The following CUX2 variants were observed in gnomAD, a reference collection of about 807,000 sequenced individuals.
The protein encoded by CUX2 is cut like homeobox 2.
CUX2 carries 40 observed loss-of-function variants against 144.8 expected under a neutral mutation model. The observed-to-expected ratio is 0.28, with a 90% CI of 0.21 to 0.36. The LOEUF (loss-of-function observed/expected upper bound fraction) is 0.36, where lower values mean the gene tolerates loss of function less well. CUX2 is among the 10% of genes least tolerant of loss of function. CUX2 has a pLI of 1.00. For synonymous variants in CUX2, 827 were observed against 875.6 expected (o/e 0.94, Z 0.98); for missense variants, 1,615 against 1,994.0 (o/e 0.81, Z 3.62).
At chr12:111,164,958 G>A (rs1017556510) in intron 1 of CUX2, among the ~76,000 whole-genome samples, 3 of 152,174 alleles carry the variant, frequency 2.0e-5, no homozygotes, top group African/African-American at 4.8e-5. Flanking sequence ...GCCATGGGGG[G>A]GAGAGGAGGA....
intron 1 of CUX2, among the ~76,000 whole-genome samples, chr12:111,090,193 C>T (rs577434171): frequency 3.3e-5 from 5 of 152,306 alleles, no homozygotes; most frequent in South Asian, 2.1e-4. Context: ...CAGAGCTCTC[C>T]GTGGGGCCAG....
intron 1 of CUX2, among the ~76,000 whole-genome samples, chr12:111,210,910 G>A (rs980111588): frequency 8.5e-5 from 13 of 152,204 alleles, no homozygotes; most frequent in Non-Finnish European, 1.5e-4. Flanking sequence ...GCAGAAGCCC[G>A]CTGAAGAGAA....
At chr12:111,279,368 GT>G in intron 4 of CUX2, among the ~76,000 whole-genome samples, 1 of 151,252 alleles carries the variant, frequency 6.6e-6, no homozygotes. Context: ...ATTGCCACAT[GT>G]TATGGTTTGA....
At chr12:111,067,779 A>G (rs1871082672) in intron 1 of CUX2, among the ~76,000 whole-genome samples, 1 of 152,124 alleles carries the variant, frequency 6.6e-6, no homozygotes, top group African/African-American at 2.4e-5. Context: ...GAACAAGGGG[A>G]CAGAGGGAGG....
chr12:111,344,304 A>T (rs1888703731), intron 21 of CUX2, among the ~76,000 whole-genome samples: 1 of 152,190 alleles, frequency 6.6e-6, no homozygotes, highest in African/African-American at 2.4e-5. Flanking sequence ...TTACAGTCAT[A>T]AAACAGAACA....
chr12:111,279,953 G>A, intron 4 of CUX2, among the ~76,000 whole-genome samples: 1 of 151,950 alleles, frequency 6.6e-6, no homozygotes, highest in Non-Finnish European at 1.5e-5. Context: ...CTGCACTCCA[G>A]CCTGGCGAAA....
At chr12:111,282,625 TAAAAAA>T (rs3061123) in intron 4 of CUX2, among the ~76,000 whole-genome samples, 2 of 105,038 alleles carry the variant, frequency 1.9e-5, no homozygotes, top group Admixed American at 1.1e-4. Flanking sequence ...AAACTCCATC[TAAAAAA>T]AAAAAAAAAA....
intron 1 of CUX2, among the ~76,000 whole-genome samples, chr12:111,136,856 C>G (rs1875919470): frequency 6.6e-6 from 1 of 152,134 alleles, no homozygotes; most frequent in Non-Finnish European, 1.5e-5. Flanking sequence ...CTTACAGGGT[C>G]TCACTAAACA....
intron 1 of CUX2, among the ~76,000 whole-genome samples, chr12:111,084,010 G>C (rs1445212736): frequency 6.6e-6 from 1 of 152,184 alleles, no homozygotes; most frequent in African/African-American, 2.4e-5. Context: ...CTTCCCTGAG[G>C]AGGTGAATGC....
chr12:111,111,195 A>G (rs1873930220), intron 1 of CUX2, among the ~76,000 whole-genome samples: 1 of 152,112 alleles, frequency 6.6e-6, no homozygotes, highest in Non-Finnish European at 1.5e-5. Context: ...CCAGCTGCTC[A>G]GGAGGCTGAG....
At chr12:111,189,269 C>A (rs1445507419) in intron 1 of CUX2, among the ~76,000 whole-genome samples, 1 of 152,080 alleles carries the variant, frequency 6.6e-6, no homozygotes, top group East Asian at 1.9e-4. Context: ...GAGACCCTGT[C>A]TCAAAAAGAA....
In CUX2 at chr12:111,347,973, G is replaced by T; in HGVS notation, c.4109G>T (p.Gly1370Val). Residue 1370 changes from glycine to valine, a missense_variant, in exon 22 of 22, where the codon GGG becomes GTG. Coordinates refer to ENST00000261726, the MANE Select transcript of CUX2 (RefSeq NM_015267.4). ...SLHPQQESEAGERLHPDPLSF... is the reference protein window; with the variant it reads ...SLHPQQESEAVERLHPDPLSF... ...CATCCCCAACAGGAGAGTGAGGCCGGGGAGCGACTTCACCCGGACCCTTTA... is the reference window on the plus strand; with the variant it reads ...CATCCCCAACAGGAGAGTGAGGCCGTGGAGCGACTTCACCCGGACCCTTTA... The T allele has an allele frequency of 6.2e-7, 1 of 1,614,124 alleles. No homozygotes were observed. The highest frequency in any genetic ancestry group is 8.5e-7 in the Non-Finnish European group (1 of 1,180,034).
At chr12:111,047,531 T>C (rs892056980) in intron 1 of CUX2, among the ~76,000 whole-genome samples, 1 of 152,148 alleles carries the variant, frequency 6.6e-6, no homozygotes, top group Non-Finnish European at 1.5e-5. Context: ...TCCCTGACCT[T>C]TGTTCTTTCA....
intron 1 of CUX2, among the ~76,000 whole-genome samples, chr12:111,089,515 C>T (rs1872434324): frequency 6.6e-6 from 1 of 152,210 alleles, no homozygotes; most frequent in African/African-American, 2.4e-5. Context: ...CCTGATGTTA[C>T]CCCTCCAGGC....
chr12:111,101,048 C>G (rs1873201437), intron 1 of CUX2, among the ~76,000 whole-genome samples: 1 of 152,214 alleles, frequency 6.6e-6, no homozygotes, highest in African/African-American at 2.4e-5. Flanking sequence ...CAAGATTTGC[C>G]TTCTGTAGCT....
chr12:111,099,605 A>G (rs1285026281), intron 1 of CUX2: 2 of 456,718 alleles, frequency 4.4e-6, no homozygotes, highest in Non-Finnish European at 8.8e-6. Flanking sequence ...ACATGGGAGA[A>G]CAGGATTGGA....
intron 4 of CUX2, among the ~76,000 whole-genome samples, chr12:111,264,373 A>G (rs1884275819): frequency 1.3e-5 from 2 of 152,242 alleles, no homozygotes; most frequent in Non-Finnish European, 2.9e-5. Context: ...CCATATGGCC[A>G]TCAATGGATG....
At position 111,295,681 on chromosome 12, in the gene CUX2, G is replaced by C. The variant is rs1468293247; in HGVS notation, c.637+272G>C. The stretch of plus-strand genomic sequence containing the variant: ...ATGTGTAATCCTGGCACTTTGGGAG[G>C]CTGAAGTGGGAGGGTCGCTTGAACC... On this transcript the variant is annotated intron_variant, in intron 7 of 21. Coordinates refer to ENST00000261726, the MANE Select transcript of CUX2 (RefSeq NM_015267.4). This position sits in a 1 kb window ranked among gnomAD's most constrained non-coding sequence, Gnocchi z 5.0. 6.6e-6 allele frequency among the ~76,000 whole-genome samples: 1 copy of C among 152,062 alleles called. No homozygotes were observed. The highest frequency in any genetic ancestry group is 1.5e-5 in the Non-Finnish European group (1 of 68,010).
chr12:111,164,882 G>A (rs1878034379), intron 1 of CUX2, among the ~76,000 whole-genome samples: 1 of 152,178 alleles, frequency 6.6e-6, no homozygotes, highest in Admixed American at 6.5e-5. Flanking sequence ...TGTACCCCCT[G>A]TAGCAGAATC....
Sources: allele counts gnomAD v4.1 joint callset (sites outside exome capture counted in the v4.1 genomes callset), GRCh38; gene constraint gnomAD v4.1.1; non-coding constraint Gnocchi (gnomAD v3.1); transcripts MANE v1.5; gene names NCBI Gene and HGNC (gene_info 2026-07-23, HGNC 2026-07-21).